NBAS: variants seen among roughly 807,000 people sequenced by gnomAD.
NBAS encodes NAG/BC035112 fusion.
In NBAS, 219 loss-of-function variants were observed where a neutral mutation model predicts 302.5. That is an observed-to-expected ratio of 0.72 (90% CI 0.65 to 0.81). The LOEUF (loss-of-function observed/expected upper bound fraction) is 0.81. NBAS is among the 30% of genes least tolerant of loss of function. The probability of loss-of-function intolerance (pLI) is 0.00; values close to 1 mark genes in which losing one functional copy is unlikely to be tolerated. For missense variants in NBAS, 2,932 were observed against 2,841.6 expected (o/e 1.03, Z -0.72); for synonymous variants, 1,118 against 1,021.6 (o/e 1.09, Z -1.80).
intron 35 of NBAS, among the ~76,000 whole-genome samples, chr2:15,345,834 A>G (rs967769772): frequency 3.9e-5 from 6 of 152,084 alleles, no homozygotes; most frequent in Admixed American, 1.3e-4. Context: ...CAGAACAGAG[A>G]CCTCACAAAT....
At position 15,394,175 on chromosome 2, in the gene NBAS, T is replaced by G. The variant is rs903968837; in HGVS notation, c.3257+52A>C. 2.1e-5 allele frequency: 32 copies of G among 1,521,110 alleles called. No individual in the cohort carries two copies. In the East Asian group the frequency reaches 6.7e-4, roughly 32 times the overall value. 94.2% of individuals were successfully genotyped at this position (1,521,110 alleles called of 1,614,324 possible). ...GTTGTCAGAAAAAGAGAAATACTTT[T>G]AAAAATATTTAAAATTAATTGACCC... On this transcript the variant is annotated intron_variant, in intron 28 of 51. Coordinates refer to ENST00000281513, the MANE Select transcript of NBAS (RefSeq NM_015909.4).
chr2:15,553,050 G>A (rs1002374173), intron 5 of NBAS, among the ~76,000 whole-genome samples: 11 of 152,058 alleles, frequency 7.2e-5, no homozygotes, highest in African/African-American at 2.4e-4. Context: ...TGATCTGCCC[G>A]CCTCGGCCTC....
chr2:15,544,977 C>T (rs905636194), intron 6 of NBAS, among the ~76,000 whole-genome samples: 1 of 151,804 alleles, frequency 6.6e-6, no homozygotes, highest in African/African-American at 2.4e-5. Context: ...TGTCACTGCA[C>T]TCCAGCCTAG....
chr2:15,389,004 A>C (rs1558295296), intron 28 of NBAS, among the ~76,000 whole-genome samples: 2 of 152,218 alleles, frequency 1.3e-5, no homozygotes, highest in East Asian at 3.9e-4. Context: ...ATATATATAC[A>C]CTCAGTTCTC....
intron 28 of NBAS, among the ~76,000 whole-genome samples, chr2:15,386,634 C>T (rs915213792): frequency 1.3e-5 from 2 of 152,116 alleles, no homozygotes; most frequent in African/African-American, 4.8e-5. Flanking sequence ...TCTTCATGTC[C>T]ACCTTCATAG....
chr2:15,509,641 T>G (rs1398860050), intron 10 of NBAS, among the ~76,000 whole-genome samples: 1 of 152,238 alleles, frequency 6.6e-6, no homozygotes, highest in Non-Finnish European at 1.5e-5. Flanking sequence ...ATTAGTTTAT[T>G]TTCAACACTA....
intron 21 of NBAS, among the ~76,000 whole-genome samples, chr2:15,443,723 G>A (rs1678569714): frequency 1.3e-5 from 2 of 150,936 alleles, no homozygotes; most frequent in Admixed American, 1.3e-4. Flanking sequence ...GTCCCTGTTT[G>A]CAGACGACAT....
chr2:15,264,290 C>T (rs1298969681), intron 44 of NBAS, among the ~76,000 whole-genome samples: 2 of 152,134 alleles, frequency 1.3e-5, no homozygotes, highest in African/African-American at 4.8e-5. Flanking sequence ...CCTCTGTCTT[C>T]CCCAAGATTT....
chr2:14,944,624 T>G, the NBAS span, among the ~76,000 whole-genome samples: 1 of 152,002 alleles, frequency 6.6e-6, no homozygotes, highest in East Asian at 1.9e-4. Flanking sequence ...TCACTAGCCC[T>G]TACAGAAAAT....
At chr2:15,181,604 G>A (rs1664825824) in intron 50 of NBAS, among the ~76,000 whole-genome samples, 1 of 152,212 alleles carries the variant, frequency 6.6e-6, no homozygotes, top group African/African-American at 2.4e-5. Context: ...AAACCTGTCA[G>A]ACCATGAGGA....
In NBAS at chr2:15,556,651, T is replaced by C. The variant is rs1664659488; in HGVS notation, c.209+132A>G. The C allele has an allele frequency of 2.9e-5, 24 of 822,360 alleles. No individual in the cohort carries two copies. The South Asian group carries it at 3.6e-4, about 12-fold the overall frequency. The allele number at this position is 822,360 out of a possible 1,614,324, so 50.9% of individuals were successfully genotyped here. A position where few individuals can be genotyped will look rare whatever the true frequency, so the allele number is the denominator to read the frequency against. On this transcript the variant is annotated intron_variant, in intron 3 of 51. Coordinates refer to ENST00000281513, the MANE Select transcript of NBAS (RefSeq NM_015909.4). ...ATTCTACCTAAATGTTTGAAATGTCTCATACTGAGTTTGCCTGAATGTCAG... is the reference window on the plus strand; with the variant it reads ...ATTCTACCTAAATGTTTGAAATGTCCCATACTGAGTTTGCCTGAATGTCAG...
intron 42 of NBAS, among the ~76,000 whole-genome samples, chr2:15,279,456 CA>C (rs1361268928): frequency 3.3e-5 from 5 of 152,110 alleles, no homozygotes; most frequent in African/African-American, 1.2e-4. Flanking sequence ...CTCCCAGCAG[CA>C]ATAATCGAAA....
At chr2:15,142,495 G>C in the NBAS span, among the ~76,000 whole-genome samples, 1 of 152,228 alleles carries the variant, frequency 6.6e-6, no homozygotes, top group African/African-American at 2.4e-5. Context: ...AGCTAAAAAT[G>C]GTCGCCTCCG....
intron 44 of NBAS, among the ~76,000 whole-genome samples, chr2:15,243,585 A>T (rs1667957258): frequency 1.3e-5 from 2 of 152,192 alleles, no homozygotes; most frequent in Non-Finnish European, 2.9e-5. Context: ...ATGAAAAAAA[A>T]AAAAAGATTA....
At chr2:15,294,854 T>G (rs1049204795) in intron 40 of NBAS, among the ~76,000 whole-genome samples, 2 of 152,204 alleles carry the variant, frequency 1.3e-5, no homozygotes, top group African/African-American at 4.8e-5. Flanking sequence ...GAAGAAGGCT[T>G]TTCTTCATGT....
At chr2:15,101,350 T>C in the NBAS span, among the ~76,000 whole-genome samples, 1 of 152,166 alleles carries the variant, frequency 6.6e-6, no homozygotes, top group Non-Finnish European at 1.5e-5. Context: ...TAGGATATTA[T>C]CTATGTTGTT....
intron 31 of NBAS, among the ~76,000 whole-genome samples, chr2:15,367,474 G>A (rs1021330713): frequency 2.0e-5 from 3 of 152,146 alleles, no homozygotes; most frequent in Non-Finnish European, 4.4e-5. Context: ...ACTGTTGGAG[G>A]TGCTTTATGT....
chr2:15,551,450 G>T, intron 6 of NBAS, 43 bp downstream of exon 6: 2 of 1,316,906 alleles, frequency 1.5e-6, no homozygotes, highest in Non-Finnish European at 2.2e-6. Flanking sequence ...AAACCATTGC[G>T]CATTTGAAAT....
chr2:15,324,112 G>A (rs532886399), intron 38 of NBAS, among the ~76,000 whole-genome samples: 4 of 152,252 alleles, frequency 2.6e-5, no homozygotes, highest in East Asian at 1.9e-4. Flanking sequence ...GAGTGAAGGC[G>A]CACATCAGGG....
Sources: allele counts gnomAD v4.1 joint callset (sites outside exome capture counted in the v4.1 genomes callset), GRCh38; gene constraint gnomAD v4.1.1; transcripts MANE v1.5; gene names NCBI Gene and HGNC (gene_info 2026-07-23, HGNC 2026-07-21).